Variants in PDGFD observed in about 807,000 individuals in gnomAD.
The protein encoded by PDGFD is platelet-derived growth factor D.
Under a neutral mutation model 44.7 loss-of-function variants are expected in PDGFD, and 30 were observed. The ratio of observed to expected loss-of-function variants is 0.67; its 90% confidence interval spans 0.50 to 0.91. PDGFD has a LOEUF of 0.91. PDGFD is among the 40% of genes least tolerant of loss of function. The pLI is 0.00. For synonymous variants in PDGFD, 173 were observed against 168.4 expected, an observed-to-expected ratio of 1.03 and a Z score of -0.21; for missense variants, 445 against 457.8, an observed-to-expected ratio of 0.97 and a Z score of 0.25.
intron 1 of PDGFD, among the ~76,000 whole-genome samples, chr11:104,035,502 A>C (rs1860212413): frequency 6.6e-6 from 1 of 151,982 alleles, no homozygotes; most frequent in African/African-American, 2.4e-5. Flanking sequence ...TTTAAAAAAA[A>C]AAATCACAAA....
intron 1 of PDGFD, among the ~76,000 whole-genome samples, chr11:104,058,148 T>A (rs1860652035): frequency 1.3e-5 from 2 of 152,136 alleles, no homozygotes; most frequent in Non-Finnish European, 2.9e-5. Context: ...GAAAACAAAT[T>A]GATAAACTGG....
At chr11:104,066,701 T>C (rs916160318) in intron 1 of PDGFD, among the ~76,000 whole-genome samples, 2 of 152,188 alleles carry the variant, frequency 1.3e-5, no homozygotes, top group Admixed American at 6.6e-5. Flanking sequence ...ATATCTTAGA[T>C]GGTAGTGACA....
At chr11:103,915,993 A>G (rs558387000) in intron 6 of PDGFD, among the ~76,000 whole-genome samples, 1 of 152,356 alleles carries the variant, frequency 6.6e-6, no homozygotes, top group South Asian at 2.1e-4. Flanking sequence ...AAAACCCAGA[A>G]GAAAACCTAG....
At chr11:104,016,692 G>A (rs547199984) in intron 1 of PDGFD, among the ~76,000 whole-genome samples, 5 of 152,334 alleles carry the variant, frequency 3.3e-5, no homozygotes, top group Non-Finnish European at 7.4e-5. Context: ...GCATTCAACC[G>A]ATATTTCCTG....
At chr11:103,910,509 T>C (rs1476277313) in intron 6 of PDGFD, among the ~76,000 whole-genome samples, 1 of 152,138 alleles carries the variant, frequency 6.6e-6, no homozygotes, top group East Asian at 1.9e-4. Context: ...GGGGATCTCC[T>C]TCCCCCAGCC....
intron 1 of PDGFD, chr11:104,037,555 T>C: frequency 4.3e-6 from 7 of 1,614,094 alleles, no homozygotes; most frequent in Non-Finnish European, 5.9e-6. Context: ...GACGATGCTC[T>C]ACATTAACTG....
At chr11:104,093,327 C>A (rs989949869) in intron 1 of PDGFD, among the ~76,000 whole-genome samples, 3 of 152,090 alleles carry the variant, frequency 2.0e-5, no homozygotes, top group African/African-American at 7.2e-5. Flanking sequence ...CACGCACACA[C>A]ATACACACAC....
intron 1 of PDGFD, among the ~76,000 whole-genome samples, chr11:104,109,538 T>C (rs1861521253): frequency 3.3e-5 from 5 of 152,146 alleles, no homozygotes; most frequent in Admixed American, 2.0e-4. Context: ...TATCTCATCA[T>C]TTTACTTCTA....
At chr11:103,945,872 T>C (rs1858661325) in intron 4 of PDGFD, 1 of 152,214 alleles carries the variant, frequency 6.6e-6, no homozygotes, top group Non-Finnish European at 1.5e-5. Flanking sequence ...TCCCTATGTA[T>C]GAGCTTTACT....
intron 1 of PDGFD, among the ~76,000 whole-genome samples, chr11:104,032,127 T>G (rs549443047): frequency 6.6e-6 from 1 of 152,046 alleles, no homozygotes; most frequent in African/African-American, 2.4e-5. Flanking sequence ...CTGCACATCC[T>G]GCACATGTAC....
intron 1 of PDGFD, among the ~76,000 whole-genome samples, chr11:104,085,761 CCTT>C (rs1260329790): frequency 6.6e-6 from 1 of 152,102 alleles, no homozygotes; most frequent in Non-Finnish European, 1.5e-5. Flanking sequence ...TCTCATATCT[CCTT>C]CTGCATTCAA....
At chr11:104,099,780 T>C (rs1861344136) in intron 1 of PDGFD, among the ~76,000 whole-genome samples, 1 of 151,874 alleles carries the variant, frequency 6.6e-6, no homozygotes, top group Admixed American at 6.6e-5. Context: ...ATTAAATCTT[T>C]ATAATTATTA....
intron 6 of PDGFD, among the ~76,000 whole-genome samples, chr11:103,910,947 A>C (rs4304742): frequency 0.46 from 69,372 of 151,802 alleles, 15,921 homozygotes; most frequent in South Asian, 0.49. Context: ...TTTACCCTCA[A>C]AGTGTAAACA....
chr11:104,051,609 G>A (rs1860538688), intron 1 of PDGFD, among the ~76,000 whole-genome samples: 1 of 151,830 alleles, frequency 6.6e-6, no homozygotes, highest in Non-Finnish European at 1.5e-5. Flanking sequence ...ACAGACAGAT[G>A]GGTAAAAGCC....
intron 1 of PDGFD, among the ~76,000 whole-genome samples, chr11:104,153,052 A>C (rs1456299475): frequency 2.0e-5 from 3 of 152,160 alleles, no homozygotes; most frequent in Admixed American, 6.6e-5. Flanking sequence ...ATGTTGCACA[A>C]GCTCCTAAAG....
intron 3 of PDGFD, among the ~76,000 whole-genome samples, chr11:103,953,050 T>C (rs1025061707): frequency 6.6e-6 from 1 of 152,114 alleles, no homozygotes; most frequent in African/African-American, 2.4e-5. Flanking sequence ...CACAGATAAA[T>C]ATTTATGTAA....
At chr11:103,979,899 T>C (rs1859241144) in intron 3 of PDGFD, among the ~76,000 whole-genome samples, 1 of 152,158 alleles carries the variant, frequency 6.6e-6, no homozygotes, top group African/African-American at 2.4e-5. Context: ...TTGTTTATTC[T>C]AACTAATTGT....
rs546011198 is a variant in PDGFD, at chr11:103,985,263, G to A, written c.510+10802C>T. 1.8e-4 allele frequency among the ~76,000 whole-genome samples: 27 copies of A among 149,448 alleles called. 1 individual carries two copies. Among genetic ancestry groups the A allele is most frequent in the Admixed American group, 4.7e-4 (7 of 14,814 alleles). On this transcript the variant is annotated intron_variant, in intron 3 of 6. Coordinates refer to ENST00000393158, the MANE Select transcript of PDGFD (RefSeq NM_025208.5). ...ATCACCAAGGCTGCAGTCCAGTGGT[G>A]AAATCATAGCTCATTGTAACCTCAA...
rs910675903 is a variant in PDGFD at position 103,908,371 on chromosome 11, C to G, written c.*1323G>C. On this transcript the variant is annotated 3_prime_UTR_variant, in exon 7 of 7. Coordinates refer to ENST00000393158, the MANE Select transcript of PDGFD (RefSeq NM_025208.5). ...AACAGTTTTCTATTAAACAGTAGGA[C>G]AGCAGGGCCAAACTTGTGTTACCAC... 32 of 152,200 alleles carry G rather than the reference C, an allele frequency of 2.1e-4. No homozygotes were observed. The highest frequency in any genetic ancestry group is 7.7e-4 in the African/African-American group (32 of 41,436). 9.4% of individuals were successfully genotyped at this position (152,200 alleles called of 1,614,324 possible).
Sources: allele counts gnomAD v4.1 joint callset (sites outside exome capture counted in the v4.1 genomes callset), GRCh38; gene constraint gnomAD v4.1.1; transcripts MANE v1.5; gene names NCBI Gene and HGNC (gene_info 2026-07-23, HGNC 2026-07-21).